Variants in VIT observed in about 807,000 individuals in gnomAD.
The protein encoded by VIT is vitrin.
In VIT, 99 loss-of-function variants were observed where a neutral mutation model predicts 78.0. That is an observed-to-expected ratio of 1.27 (90% CI 1.08 to 1.50). The LOEUF (loss-of-function observed/expected upper bound fraction) is 1.50. Ranked by LOEUF, VIT falls within the 40% of genes most tolerant of loss-of-function variation. The pLI is 0.00. For synonymous variants in VIT, 374 were observed against 334.3 expected (o/e 1.12, Z -1.29); for missense variants, 1,126 against 875.3 (o/e 1.29, Z -3.61).
intron 3 of VIT, among the ~76,000 whole-genome samples, chr2:36,730,094 G>A (rs1204522388): frequency 2.0e-5 from 3 of 151,962 alleles, no homozygotes; most frequent in African/African-American, 7.3e-5. Flanking sequence ...TCAGGAGTTC[G>A]AGACCAGCCT....
intron 13 of VIT, 67 bp downstream of exon 13, chr2:36,801,471 T>G: frequency 7.4e-7 from 1 of 1,355,406 alleles, no homozygotes; most frequent in Non-Finnish European, 1.0e-6. Flanking sequence ...GATTGTCTTC[T>G]AACCATTCTA....
chr2:36,753,319 C>A (rs886384773), intron 4 of VIT, among the ~76,000 whole-genome samples: 9 of 151,998 alleles, frequency 5.9e-5, no homozygotes, highest in African/African-American at 2.2e-4. Flanking sequence ...CACGTGCTTA[C>A]TTATGTAACA....
chr2:36,717,525 C>T (rs112233816), intron 2 of VIT, among the ~76,000 whole-genome samples: 22,072 of 151,932 alleles, frequency 0.15, 1,779 homozygotes, highest in East Asian at 0.19. Context: ...CATGAGCCAC[C>T]GCACCCGGCC....
intron 12 of VIT, 138 bp from the exon 13 acceptor site, chr2:36,801,163 A>G (rs1283200481): frequency 2.5e-6 from 2 of 785,364 alleles, no homozygotes; most frequent in Non-Finnish European, 4.3e-6. Flanking sequence ...CCAGTCCACA[A>G]TGGGACATTT....
intron 9 of VIT, among the ~76,000 whole-genome samples, chr2:36,778,771 C>G (rs1265758731): frequency 6.6e-6 from 1 of 152,162 alleles, no homozygotes; most frequent in Non-Finnish European, 1.5e-5. Flanking sequence ...AGAAGCAGCT[C>G]TCCAGGGAAA....
At chr2:36,747,493 T>A (rs1054106987) in intron 4 of VIT, among the ~76,000 whole-genome samples, 1 of 152,230 alleles carries the variant, frequency 6.6e-6, no homozygotes, top group African/African-American at 2.4e-5. Context: ...TGGGTCTGTA[T>A]ATATTTAGGA....
intron 1 of VIT, among the ~76,000 whole-genome samples, chr2:36,705,739 A>C (rs1665376545): frequency 6.6e-6 from 1 of 152,224 alleles, no homozygotes; most frequent in Admixed American, 6.5e-5. Context: ...TATTTATGGG[A>C]AGTTCCTAGA....
intron 4 of VIT, among the ~76,000 whole-genome samples, chr2:36,749,368 A>G (rs1205931428): frequency 6.6e-6 from 1 of 152,200 alleles, no homozygotes; most frequent in East Asian, 1.9e-4. Flanking sequence ...GAGGCATGGC[A>G]TGCTTTGGAT....
Position 36,729,475 on chromosome 2 carries a change from TA to T in VIT, c.106del (p.Arg36GlyfsTer25). 6.2e-7 allele frequency: 1 copy of T among 1,609,134 alleles called. No homozygotes were observed. Among genetic ancestry groups the T allele is most frequent in the Non-Finnish European group, 8.5e-7 (1 of 1,177,904 alleles). On this transcript the variant is annotated frameshift_variant, in exon 3 of 16. Transcript: ENST00000379242. LOFTEE classifies it high-confidence loss of function. ...HSNKETAKKI[K>X]RPKFTVPQIN... ...CAAACAAAGAAACGGCAAAGAAGAT[TA>T]AAAGGCCCAAGTTCAGTAAGTAAAA...
At chr2:36,744,321 A>G (rs1272502210) in intron 4 of VIT, among the ~76,000 whole-genome samples, 1 of 152,180 alleles carries the variant, frequency 6.6e-6, no homozygotes, top group Non-Finnish European at 1.5e-5. Flanking sequence ...TTTGGTATAT[A>G]CCCAGCAATG....
intron 1 of VIT, among the ~76,000 whole-genome samples, chr2:36,715,544 A>T (rs1260511504): frequency 6.6e-6 from 1 of 152,064 alleles, no homozygotes; most frequent in African/African-American, 2.4e-5. Flanking sequence ...TAAAAAAAAA[A>T]ATAAAAAAAA....
chr2:36,746,634 T>C (rs1429784878), intron 4 of VIT, among the ~76,000 whole-genome samples: 1 of 152,166 alleles, frequency 6.6e-6, no homozygotes, highest in African/African-American at 2.4e-5. Flanking sequence ...TTCTGTGGGA[T>C]TGGTTGCAAT....
intron 12 of VIT, among the ~76,000 whole-genome samples, chr2:36,796,616 T>C (rs1362216945): frequency 6.6e-6 from 1 of 152,164 alleles, no homozygotes; most frequent in Non-Finnish European, 1.5e-5. Context: ...ATACTTTTTT[T>C]CTGTAAAAAC....
At chr2:36,753,193 A>T (rs915735764) in intron 4 of VIT, among the ~76,000 whole-genome samples, 4 of 107,604 alleles carry the variant, frequency 3.7e-5, no homozygotes, top group African/African-American at 1.4e-4. Flanking sequence ...AGCAACACAC[A>T]CTGGGGCCTG....
At chr2:36,806,014 GCA>G (rs1051270584) in intron 14 of VIT, among the ~76,000 whole-genome samples, 1 of 150,976 alleles carries the variant, frequency 6.6e-6, no homozygotes, top group Non-Finnish European at 1.5e-5. Flanking sequence ...ACACACACAC[GCA>G]CACACACACA....
At chr2:36,750,844 AT>A (rs1668417047) in intron 4 of VIT, among the ~76,000 whole-genome samples, 1 of 152,036 alleles carries the variant, frequency 6.6e-6, no homozygotes. Flanking sequence ...AGAAAAAAAA[AT>A]AACATGTAAT....
chr2:36,708,119 C>G (rs555344969), intron 1 of VIT, among the ~76,000 whole-genome samples: 9 of 149,430 alleles, frequency 6.0e-5, no homozygotes, highest in Admixed American at 6.7e-5. Flanking sequence ...CTCCCCCCCC[C>G]GCCCACCTAG....
chr2:36,813,717 G>T (rs1402468196), intron 15 of VIT, among the ~76,000 whole-genome samples: 1 of 152,264 alleles, frequency 6.6e-6, no homozygotes, highest in East Asian at 1.9e-4. Context: ...TCTTGAACCA[G>T]CTTTTGATGG....
At position 36,808,859 on chromosome 2, in the gene VIT, A is replaced by G. The variant is rs773895556; in HGVS notation, c.1777A>G (p.Ile593Val). 8 of 1,614,102 alleles carry G rather than the reference A, an allele frequency of 5.0e-6. No homozygotes were observed. In the African/African-American group the frequency reaches 5.3e-5, roughly 11 times the overall value. Residue 593 changes from isoleucine (I) to valine (V), a missense_variant, in exon 15 of 16, where the codon ATC becomes GTC. By Grantham distance (29) the Ile-to-Val change is conservative (BLOSUM62 3). Transcript: ENST00000379242. ...WSGGTSTGAA[I>V]NFALEQLFKK... is the part of the protein sequence containing the mutation. ...TGGTGGCACCAGCACGGGGGCTGCC[A>G]TCAACTTCGCCCTGGAGCAGCTCTT...
Sources: gnomAD v4.1 joint callset for allele counts (sites outside exome capture counted in the v4.1 genomes callset) on GRCh38, gnomAD v4.1.1 for gene constraint, MANE v1.5 for transcripts, NCBI Gene and HGNC (gene_info 2026-07-23, HGNC 2026-07-21) for gene names.